Variants in CTNNA3 observed in about 807,000 individuals in gnomAD.
The protein encoded by CTNNA3 is catenin alpha-3.
In CTNNA3, 76 loss-of-function variants were observed where a neutral mutation model predicts 95.7. The ratio of observed to expected loss-of-function variants is 0.79; its 90% CI spans 0.66 to 0.96. CTNNA3 has a LOEUF of 0.96. Ranked by LOEUF, CTNNA3 falls within the 40% of genes least tolerant of loss-of-function variation. The pLI, the probability that CTNNA3 is intolerant of heterozygous loss-of-function variation, is 0.00. For synonymous variants in CTNNA3, 431 were observed against 374.4 expected (o/e 1.15, Z -1.74); for missense variants, 1,191 against 1,089.8 (o/e 1.09, Z -1.31).
At position 65,970,737 on chromosome 10, in the gene CTNNA3, TAAAA is replaced by T. The variant is rs543871787; in HGVS notation, c.2266-3995_2266-3992del. Reference sequence around the variant, plus strand: ...ATATTAAAATATAATATATAATAGATAAAAAAGACTTTAAACCAACAACAGTAAT... The same window carrying T: ...ATATTAAAATATAATATATAATAGATAAGACTTTAAACCAACAACAGTAAT... On this transcript the variant is annotated intron_variant, in intron 16 of 17. Transcript: ENST00000433211. 4.2e-3 allele frequency among the ~76,000 whole-genome samples: 621 copies of T among 148,562 alleles called. 3 individuals are homozygous for T. The highest frequency in any genetic ancestry group is 5.5e-3 in the Non-Finnish European group (372 of 67,232).
chr10:67,740,948 G>T lies in CTNNA3; in HGVS notation c.-2+22486C>A, dbSNP rs1036786968. Among the ~76,000 whole-genome samples the T allele has an allele frequency of 1.8e-3, 270 of 151,430 alleles. 9 individuals are homozygous for T. Among genetic ancestry groups the T allele is most frequent in the Non-Finnish European group, 3.2e-3 (220 of 67,724 alleles). ...TGATAGACTGGATTAAGAAAATGTG[G>T]TACATATACACCATGGAATACTATG... is the stretch of plus-strand genomic sequence containing the variant. On this transcript the variant is annotated intron_variant, in intron 1 of 17. Transcript: ENST00000684154.
At chr10:66,369,947 A>G (rs2092741368) in intron 12 of CTNNA3, among the ~76,000 whole-genome samples, 1 of 152,092 alleles carries the variant, frequency 6.6e-6, no homozygotes, top group Non-Finnish European at 1.5e-5. Context: ...AATCACATAA[A>G]AATTGGCATG....
At chr10:66,249,316 T>C (rs1331585571) in intron 13 of CTNNA3, among the ~76,000 whole-genome samples, 1 of 152,004 alleles carries the variant, frequency 6.6e-6, no homozygotes, top group African/African-American at 2.4e-5. Context: ...GCAAAGAAAC[T>C]ATCCACAAAG....
Position 65,917,483 on chromosome 10 carries a change from T to C in CTNNA3, c.*2847A>G, listed in dbSNP as rs1670148. ...TTCGTTTTTTTTTAAATTTTCATTC[T>C]AATTCCAGTCTAACATCTGGCAGGG... On this transcript the variant is annotated 3_prime_UTR_variant, in exon 18 of 18. Transcript: ENST00000433211. 3 of 151,366 alleles carry C rather than the reference T, an allele frequency of 2.0e-5. No individual in the cohort carries two copies. Among genetic ancestry groups the C allele is most frequent in the African/African-American group, 7.3e-5 (3 of 41,182 alleles). 9.4% of individuals were successfully genotyped at this position (151,366 alleles called of 1,614,324 possible).
At chr10:66,634,624 G>C (rs1020503883) in intron 9 of CTNNA3, among the ~76,000 whole-genome samples, 1 of 144,628 alleles carries the variant, frequency 6.9e-6, no homozygotes, top group Non-Finnish European at 1.5e-5. Context: ...GCAGATATAA[G>C]GTAATGATTC....
At chr10:66,427,768 G>T (rs1054387222) in intron 11 of CTNNA3, among the ~76,000 whole-genome samples, 3 of 151,916 alleles carry the variant, frequency 2.0e-5, no homozygotes, top group African/African-American at 7.2e-5. Flanking sequence ...AATATGGAAA[G>T]GAACAACCGG....
intron 15 of CTNNA3, among the ~76,000 whole-genome samples, chr10:66,002,554 A>G (rs1225091193): frequency 1.3e-5 from 2 of 152,174 alleles, no homozygotes; most frequent in African/African-American, 4.8e-5. Flanking sequence ...AGCTTAACAC[A>G]ATAAATTTCA....
At chr10:66,102,838 T>G (rs2133743633) in intron 14 of CTNNA3, among the ~76,000 whole-genome samples, 1 of 152,238 alleles carries the variant, frequency 6.6e-6, no homozygotes, top group African/African-American at 2.4e-5. Flanking sequence ...TATTTACAAC[T>G]TCTTCGTTTC....
intron 1 of CTNNA3, among the ~76,000 whole-genome samples, chr10:67,676,806 T>C (rs558085491): frequency 2.0e-5 from 3 of 152,280 alleles, no homozygotes; most frequent in Non-Finnish European, 4.4e-5. Flanking sequence ...ACAGAACCCA[T>C]GCCTTCAACG....
intron 1 of CTNNA3, among the ~76,000 whole-genome samples, chr10:67,663,460 G>A (rs551998408): frequency 6.6e-6 from 1 of 152,170 alleles, no homozygotes; most frequent in African/African-American, 2.4e-5. Context: ...CTCTCCCGTG[G>A]GTGGGCTGAG....
At chr10:66,176,691 T>C (rs958704168) in intron 13 of CTNNA3, among the ~76,000 whole-genome samples, 2 of 152,036 alleles carry the variant, frequency 1.3e-5, no homozygotes, top group African/African-American at 2.4e-5. Flanking sequence ...CTAGCTACCA[T>C]GTAAGGACAC....
intron 13 of CTNNA3, among the ~76,000 whole-genome samples, chr10:66,253,658 A>G (rs2090647155): frequency 6.6e-6 from 1 of 152,132 alleles, no homozygotes; most frequent in Admixed American, 6.5e-5. Flanking sequence ...ATAGTTTTGC[A>G]TTTTTTAGGT....
At chr10:66,196,649 C>T (rs560525829) in intron 13 of CTNNA3, among the ~76,000 whole-genome samples, 127 of 152,330 alleles carry the variant, frequency 8.3e-4, no homozygotes, top group African/African-American at 3.0e-3. Flanking sequence ...AACCAAATCT[C>T]ATGTCCTGTT....
chr10:66,943,568 C>T (rs1251166837), intron 7 of CTNNA3, among the ~76,000 whole-genome samples: 1 of 150,964 alleles, frequency 6.6e-6, no homozygotes, highest in Non-Finnish European at 1.5e-5. Context: ...ACACTAAGCA[C>T]AGCCTTAAGA....
intron 1 of CTNNA3, among the ~76,000 whole-genome samples, chr10:67,703,142 C>T (rs1332050067): frequency 1.3e-5 from 2 of 152,150 alleles, no homozygotes; most frequent in Non-Finnish European, 2.9e-5. Flanking sequence ...CAATAGCTTA[C>T]CCACCAAAAA....
intron 7 of CTNNA3, among the ~76,000 whole-genome samples, chr10:66,864,315 A>G (rs1408332282): frequency 6.6e-6 from 1 of 152,062 alleles, no homozygotes; most frequent in Non-Finnish European, 1.5e-5. Context: ...TTATCATGAG[A>G]GTGAGTTTGT....
intron 14 of CTNNA3, among the ~76,000 whole-genome samples, chr10:66,089,702 A>G (rs2081138324): frequency 6.6e-6 from 1 of 151,622 alleles, no homozygotes; most frequent in South Asian, 2.1e-4. Context: ...TTCTAATTAT[A>G]ATATTACAAG....
chr10:66,871,083 T>C (rs1844383394), intron 7 of CTNNA3, among the ~76,000 whole-genome samples: 1 of 151,956 alleles, frequency 6.6e-6, no homozygotes, highest in Admixed American at 6.5e-5. Context: ...TGTTCATGTG[T>C]TTGTTTGTTT....
chr10:66,673,422 AT>A (rs1184904807), intron 9 of CTNNA3, among the ~76,000 whole-genome samples: 1 of 152,128 alleles, frequency 6.6e-6, no homozygotes, highest in African/African-American at 2.4e-5. Flanking sequence ...AAGTGGTTCT[AT>A]GTTATGTTTC....
Sources: gnomAD v4.1 joint callset for allele counts (sites outside exome capture counted in the v4.1 genomes callset) on GRCh38, gnomAD v4.1.1 for gene constraint, MANE v1.5 for transcripts, NCBI Gene and HGNC (gene_info 2026-07-23, HGNC 2026-07-21) for gene names.